Variants in PRCP observed in about 807,000 individuals in gnomAD.
PRCP encodes lysosomal Pro-X carboxypeptidase.
PRCP carries 46 observed loss-of-function variants against 54.2 expected under a neutral mutation model. That is an observed-to-expected ratio of 0.85 (90% CI 0.67 to 1.09). PRCP has a LOEUF of 1.09. Among genes scored for constraint, PRCP ranks in the 50% least tolerant of loss-of-function variants. The pLI is 0.00. For missense variants in PRCP, 613 were observed against 596.8 expected (o/e 1.03, Z -0.28); for synonymous variants, 240 against 212.2 (o/e 1.13, Z -1.14).
At chr11:82,830,904 A>C (rs763428043) in intron 8 of PRCP, 3 of 152,028 alleles carry the variant, frequency 2.0e-5, no homozygotes, top group Non-Finnish European at 2.9e-5. Context: ...AGCAAACTGC[A>C]TTTGATTTAA....
Position 82,838,442 on chromosome 11 carries a change from T to A in PRCP, c.1219A>T (p.Ile407Phe). The A allele has an allele frequency of 6.2e-7, 1 of 1,614,044 alleles. No homozygotes were observed. The highest frequency in any genetic ancestry group is 8.5e-7 in the Non-Finnish European group (1 of 1,179,942). The stretch of plus-strand genomic sequence containing the variant: ...TTTTTGCCTCCATACATAGTAGTGA[T>A]CCAGGAGGGCCTTGGTCTCACACCC... Reference protein sequence around the residue: ...QWGVRPRPSWITTMYGGKNIS... With the variant: ...QWGVRPRPSWFTTMYGGKNIS... Residue 407 changes from isoleucine (I) to phenylalanine (F), a missense_variant, in exon 8 of 9, where the codon ATC (isoleucine) becomes TTC (phenylalanine). Transcript: ENST00000313010.
At chr11:82,846,607 G>A (rs918672343) in intron 6 of PRCP, among the ~76,000 whole-genome samples, 1 of 152,142 alleles carries the variant, frequency 6.6e-6, no homozygotes, top group African/African-American at 2.4e-5. Flanking sequence ...AAGGGTGACT[G>A]TGAGGGAAAG....
intron 8 of PRCP, chr11:82,835,964 A>G: frequency 3.4e-6 from 1 of 293,250 alleles, no homozygotes; most frequent in South Asian, 3.3e-5. Flanking sequence ...AGGCCGAGTC[A>G]GGTGGATCAC....
intron 6 of PRCP, chr11:82,845,675 A>G (rs115546477): frequency 1.7e-3 from 255 of 152,336 alleles, no homozygotes; most frequent in African/African-American, 5.9e-3. Context: ...CACTATATCT[A>G]TCTACATGCA....
intron 1 of PRCP, among the ~76,000 whole-genome samples, chr11:82,867,129 T>A (rs1859356663): frequency 6.6e-6 from 1 of 152,248 alleles, no homozygotes; most frequent in Admixed American, 6.5e-5. Flanking sequence ...AGATGTGTTA[T>A]ATATTAGTAG....
chr11:82,861,434 G>A (rs74441189), intron 1 of PRCP, among the ~76,000 whole-genome samples: 2 of 152,180 alleles, frequency 1.3e-5, no homozygotes, highest in Admixed American at 6.5e-5. Context: ...GAGAATACTC[G>A]CTTGTCACAA....
intron 1 of PRCP, among the ~76,000 whole-genome samples, chr11:82,894,496 T>G (rs1464468187): frequency 6.6e-6 from 1 of 152,152 alleles, no homozygotes. Context: ...TGAACAAAAT[T>G]ATAGGTAAAT....
intron 1 of PRCP, among the ~76,000 whole-genome samples, chr11:82,874,711 A>T (rs537492299): frequency 6.6e-6 from 1 of 150,668 alleles, no homozygotes; most frequent in South Asian, 2.1e-4. Flanking sequence ...AAAAAAAAAG[A>T]AAAAAAAGAA....
At position 82,900,310 on chromosome 11, in the gene PRCP, G is replaced by A; in HGVS notation, c.93C>T (p.Ser31=). 2.5e-6 allele frequency: 4 copies of A among 1,614,220 alleles called. No individual in the cohort carries two copies. Among genetic ancestry groups the A allele is most frequent in the Non-Finnish European group, 3.4e-6 (4 of 1,180,022 alleles). ...ALRPALRALG[S]LHLPTNPTSL... is the part of the protein sequence containing the mutation. ...ATGTGGGGTTGGTTGGCAAGTGTAG[G>A]CTGCCGAGGGCCCTTAAGGCCGGCC... Residue 31 remains serine (S), a synonymous_variant, in exon 1 of 9, where the codon AGC becomes AGT. Coordinates refer to ENST00000313010, the MANE Select transcript of PRCP (RefSeq NM_005040.4).
At chr11:82,862,940 T>C (rs1263697090) in intron 1 of PRCP, among the ~76,000 whole-genome samples, 2 of 152,220 alleles carry the variant, frequency 1.3e-5, no homozygotes, top group Admixed American at 6.5e-5. Context: ...AATTCAACTA[T>C]ATCCACTCAG....
chr11:82,860,493 C>T (rs1433291904), intron 1 of PRCP, among the ~76,000 whole-genome samples: 2 of 151,842 alleles, frequency 1.3e-5, no homozygotes, highest in African/African-American at 2.4e-5. Flanking sequence ...GTGTATATAA[C>T]ATGATGTTCT....
chr11:82,860,010 AT>A lies in PRCP; in HGVS notation c.275del (p.Asn92MetfsTer22). The A allele has an allele frequency of 6.3e-7, 1 of 1,590,536 alleles. No homozygotes were observed. The highest frequency in any genetic ancestry group is 8.5e-7 in the Non-Finnish European group (1 of 1,170,086). ...NGGSILFYTG[N>X]EGDIIWFCNN... ...TACAAAACCAGATAATGTCCCCTTC[AT>A]TACCAGTGTAGAAAAGTATTGATCC... On this transcript the variant is annotated frameshift_variant, in exon 2 of 9. Coordinates refer to ENST00000313010, the MANE Select transcript of PRCP (RefSeq NM_005040.4). LOFTEE classifies it high-confidence loss of function.
intron 1 of PRCP, among the ~76,000 whole-genome samples, chr11:82,879,584 C>T (rs1859697589): frequency 6.6e-6 from 1 of 152,208 alleles, no homozygotes; most frequent in Admixed American, 6.5e-5. Context: ...TGGTGAGGAG[C>T]TGCATTCCTT....
chr11:82,855,567 C>G (rs1859064890), intron 2 of PRCP, among the ~76,000 whole-genome samples: 1 of 152,000 alleles, frequency 6.6e-6, no homozygotes, highest in East Asian at 1.9e-4. Flanking sequence ...TGCAGCGAGC[C>G]CAGATCACGC....
intron 1 of PRCP, among the ~76,000 whole-genome samples, chr11:82,875,956 T>A (rs1817797468): frequency 6.6e-6 from 1 of 152,196 alleles, no homozygotes; most frequent in Admixed American, 6.5e-5. Context: ...CTACATGGAT[T>A]TCCTCCTGCC....
intron 8 of PRCP, chr11:82,829,496 C>T (rs1352992392): frequency 1.3e-5 from 2 of 152,182 alleles, no homozygotes; most frequent in Non-Finnish European, 2.9e-5. Flanking sequence ...AAAAGTCACC[C>T]CTTGATGAAG....
At chr11:82,900,694 G>T (rs1209568528), upstream of PRCP, 1 of 579,548 alleles carries the variant, frequency 1.7e-6, no homozygotes, top group Non-Finnish European at 3.3e-6. Context: ...TCATGCTAGG[G>T]CCTCTTCCTA....
At chr11:82,862,081 A>G (rs181659639) in intron 1 of PRCP, among the ~76,000 whole-genome samples, 68 of 152,226 alleles carry the variant, frequency 4.5e-4, no homozygotes, top group African/African-American at 1.5e-3. Context: ...AAAATCAAAA[A>G]AAAAAATCCA....
At chr11:82,874,690 C>CAAAAAAAAA (rs36084037) in intron 1 of PRCP, among the ~76,000 whole-genome samples, 72 of 67,974 alleles carry the variant, frequency 1.1e-3, no homozygotes, top group Middle Eastern at 7.7e-3. Flanking sequence ...GACCCTGTCT[C>CAAAAAAAAA]AAAAAAAAAA....
Sources: allele counts gnomAD v4.1 joint callset (sites outside exome capture counted in the v4.1 genomes callset), GRCh38; gene constraint gnomAD v4.1.1; transcripts MANE v1.5; gene names NCBI Gene and HGNC (gene_info 2026-07-23, HGNC 2026-07-21).